CC2D2B: variants seen among roughly 807,000 people sequenced by gnomAD.
The protein encoded by CC2D2B is protein CC2D2B.
Under a neutral mutation model 161.2 loss-of-function variants are expected in CC2D2B, and 128 were observed. The observed-to-expected ratio is 0.79, with a 90% CI of 0.69 to 0.92. The LOEUF (loss-of-function observed/expected upper bound fraction) is 0.92, where lower values mean the gene tolerates loss of function less well. CC2D2B is among the 40% of genes least tolerant of loss of function. The pLI, the probability that CC2D2B is intolerant of heterozygous loss-of-function variation, is 0.00. For synonymous variants in CC2D2B, 391 were observed against 449.8 expected, an observed-to-expected ratio of 0.87 and a Z score of 1.65; for missense variants, 1,173 against 1,375.1, an observed-to-expected ratio of 0.85 and a Z score of 2.32.
chr10:95,965,098 A>G (rs1486432252), intron 12 of CC2D2B, among the ~76,000 whole-genome samples: 1 of 152,132 alleles, frequency 6.6e-6, no homozygotes, highest in Non-Finnish European at 1.5e-5. Context: ...AGAGCATGTA[A>G]TATTTTACCA....
At position 96,033,083 on chromosome 10, in the gene CC2D2B, T is replaced by G. The variant is rs2080112767; in HGVS notation, c.*1075T>G. Among the ~76,000 whole-genome samples, 1 of 152,222 alleles carries G rather than the reference T, an allele frequency of 6.6e-6. No individual in the cohort carries two copies. On this transcript the variant is annotated 3_prime_UTR_variant, in exon 35 of 35. Transcript: ENST00000646931. ...AAGAAATAATCAAGGAGTATGGATT[T>G]CCAAAGGTTGACCAGAGCAGTTTTG...
chr10:95,912,955 C>A (rs549427799), intron 2 of CC2D2B, among the ~76,000 whole-genome samples: 1 of 152,070 alleles, frequency 6.6e-6, no homozygotes, highest in East Asian at 1.9e-4. Flanking sequence ...TTTATCATTT[C>A]TTTGTGTTAT....
chr10:95,916,151 T>C (rs1244392322), intron 2 of CC2D2B, among the ~76,000 whole-genome samples: 2 of 152,140 alleles, frequency 1.3e-5, no homozygotes, highest in African/African-American at 2.4e-5. Context: ...TCTAGGAATT[T>C]ATTCATTTCT....
In CC2D2B at chr10:96,032,500, G is replaced by C. The variant is rs2080097407; in HGVS notation, c.*492G>C. ...CCAGATAATTCTGATGCACTGTTAT[G>C]AGGGAGAGCCCAGCCTTATAGAATG... On this transcript the variant is annotated 3_prime_UTR_variant, in exon 35 of 35. Coordinates refer to ENST00000646931, the MANE Select transcript of CC2D2B (RefSeq NM_001349008.3). The C allele has an allele frequency of 3.7e-5, 9 of 245,676 alleles. No homozygotes were observed. In the South Asian group the frequency reaches 4.8e-4, roughly 13 times the overall value. 15.2% of individuals were successfully genotyped at this position (245,676 alleles called of 1,614,324 possible). A position where few individuals can be genotyped will look rare whatever the true frequency, so the allele number is the denominator to read the frequency against.
At chr10:95,985,805 GAA>G (rs2077695345) in intron 19 of CC2D2B, among the ~76,000 whole-genome samples, 1 of 152,188 alleles carries the variant, frequency 6.6e-6, no homozygotes. Flanking sequence ...ACAGCCCTGA[GAA>G]AGAGAATGTG....
At chr10:96,000,099 T>C in intron 24 of CC2D2B, 1 of 1,493,898 alleles carries the variant, frequency 6.7e-7, no homozygotes, top group Admixed American at 1.8e-5. Context: ...GCATTCCTTT[T>C]TAAACAATAT....
Position 95,924,346 on chromosome 10 carries a change from A to G in CC2D2B, c.130A>G (p.Lys44Glu). 1 of 1,526,630 alleles carries G rather than the reference A, an allele frequency of 6.6e-7. No homozygotes were observed. The allele number at this position is 1,526,630 out of a possible 1,614,324, so 94.6% of individuals were successfully genotyped here. A position where few individuals can be genotyped will look rare whatever the true frequency, so the allele number is the denominator to read the frequency against. The change falls in exon 4 of 35, where the codon AAG becomes GAG. Residue 44 changes from lysine (K) to glutamate (E), a missense_variant. Physicochemically the swap from Lys to Glu is moderately conservative, Grantham distance 56. This residue lies in a region of CC2D2B where 298 missense variants were observed against 261.2 expected (regional missense o/e 1.14). Coordinates refer to ENST00000646931, the MANE Select transcript of CC2D2B (RefSeq NM_001349008.3). ...TGCAGAAGAAAATCAAAATGTAGCA[A>G]AGACATTGAGAGGCAAAGTGAGAGA... ...LDAEENQNVA[K>E]TLRGKVREKL...
intron 12 of CC2D2B, among the ~76,000 whole-genome samples, chr10:95,963,444 G>A (rs2076835102): frequency 1.3e-5 from 2 of 152,170 alleles, no homozygotes; most frequent in Non-Finnish European, 2.9e-5. Context: ...GCATGTTGAA[G>A]TTGATATGCC....
At chr10:96,026,199 A>T (rs988700676) in intron 33 of CC2D2B, among the ~76,000 whole-genome samples, 1 of 152,134 alleles carries the variant, frequency 6.6e-6, no homozygotes, top group African/African-American at 2.4e-5. Context: ...CCTCTATAAC[A>T]TACACTGCAG....
chr10:95,963,965 A>G (rs1407001707), intron 12 of CC2D2B, among the ~76,000 whole-genome samples: 1 of 152,138 alleles, frequency 6.6e-6, no homozygotes, highest in Non-Finnish European at 1.5e-5. Flanking sequence ...GTCGCTATAG[A>G]TGATAGATTG....
chr10:95,946,370 TGTGTC>T (rs1372351490), intron 9 of CC2D2B, among the ~76,000 whole-genome samples: 4 of 152,200 alleles, frequency 2.6e-5, no homozygotes, highest in African/African-American at 9.6e-5. Context: ...GGCAGAGGCT[TGTGTC>T]ACTCCATTAG....
At chr10:95,910,061 C>G (rs976998521) in intron 1 of CC2D2B, among the ~76,000 whole-genome samples, 3 of 152,116 alleles carry the variant, frequency 2.0e-5, no homozygotes, top group South Asian at 2.1e-4. Context: ...GAGGTGGAAG[C>G]AGGTGGATCA....
In CC2D2B at chr10:95,982,171, G is replaced by A. The variant is rs2077552864; in HGVS notation, c.2082+58G>A. ...TATTCTATTTCCTAAGCTCTACTTAGGAAAGTATAGTTTCCCCCATAGTTT... is the reference window on the plus strand; with the variant it reads ...TATTCTATTTCCTAAGCTCTACTTAAGAAAGTATAGTTTCCCCCATAGTTT... On this transcript the variant is annotated intron_variant, in intron 18 of 34. Coordinates refer to ENST00000646931, the MANE Select transcript of CC2D2B (RefSeq NM_001349008.3). 3 of 1,107,830 alleles carry A rather than the reference G, an allele frequency of 2.7e-6. No individual in the cohort carries two copies. The East Asian group carries it at 9.7e-5, about 36-fold the overall frequency. 68.6% of individuals were successfully genotyped at this position (1,107,830 alleles called of 1,614,324 possible).
At position 95,947,078 on chromosome 10, in the gene CC2D2B, C is replaced by CAAAAAAAAAAA. The variant is rs368168752; in HGVS notation, c.802-2813_802-2812insAAAAAAAAAAA. The stretch of plus-strand genomic sequence containing the variant: ...GTGCATAAATTCCAAATAGTGGACT[C>CAAAAAAAAAAA]AAAAATATATATATATATATATATA... On this transcript the variant is annotated intron_variant, in intron 9 of 34. Coordinates refer to ENST00000646931, the MANE Select transcript of CC2D2B (RefSeq NM_001349008.3). 1.8e-3 allele frequency among the ~76,000 whole-genome samples: 95 copies of CAAAAAAAAAAA among 51,938 alleles called. 1 individual carries two copies. Among genetic ancestry groups the CAAAAAAAAAAA allele is most frequent in the South Asian group, 2.2e-3 (4 of 1,860 alleles). The allele number at this position is 51,938 out of a possible 152,430, so 34.1% of individuals were successfully genotyped here.
chr10:96,019,706 G>T lies in CC2D2B; in HGVS notation c.3770G>T (p.Trp1257Leu). Reference protein sequence around the residue: ...VDCLFDDRNVWFNIQQNNTPM... With the variant: ...VDCLFDDRNVLFNIQQNNTPM... ...GTTATATTAATGTTTTCATAGGTCT[G>T]GTTTAATATTCAACAAAATAATACA... The change falls in exon 32 of 35, where the codon TGG (tryptophan) becomes TTG (leucine). Residue 1257 changes from tryptophan (W) to leucine (L), a missense_variant. This residue lies in a region of CC2D2B where 598 missense variants were observed against 693.2 expected (regional missense o/e 0.86). Transcript: ENST00000646931. 6.3e-7 allele frequency: 1 copy of T among 1,585,154 alleles called. No homozygotes were observed. The highest frequency in any genetic ancestry group is 1.2e-5 in the South Asian group (1 of 85,528).
At chr10:95,959,449 C>T (rs186547186) in intron 11 of CC2D2B, among the ~76,000 whole-genome samples, 1 of 152,150 alleles carries the variant, frequency 6.6e-6, no homozygotes. Context: ...TTAATGATAA[C>T]TACTATTCTT....
At chr10:95,922,594 C>G (rs539758040) in intron 3 of CC2D2B, among the ~76,000 whole-genome samples, 12 of 152,178 alleles carry the variant, frequency 7.9e-5, no homozygotes, top group Non-Finnish European at 1.5e-4. Context: ...TTATGCTTAC[C>G]CTTTACTTCT....
intron 24 of CC2D2B, among the ~76,000 whole-genome samples, chr10:95,998,111 T>G (rs2078302811): frequency 6.6e-6 from 1 of 152,152 alleles, no homozygotes; most frequent in Admixed American, 6.6e-5. Flanking sequence ...ATTAAGAGAC[T>G]TTATTTTTAG....
intron 26 of CC2D2B, among the ~76,000 whole-genome samples, chr10:96,011,582 C>T (rs1224331215): frequency 6.6e-5 from 10 of 151,986 alleles, no homozygotes; most frequent in South Asian, 2.1e-4. Context: ...CATCTCACTG[C>T]GTTGCCCAGG....
Sources: allele counts gnomAD v4.1 joint callset (sites outside exome capture counted in the v4.1 genomes callset), GRCh38; gene constraint gnomAD v4.1.1; regional missense constraint gnomAD v4.1.1; transcripts MANE v1.5; gene names NCBI Gene and HGNC (gene_info 2026-07-23, HGNC 2026-07-21).